ADARB2: variants seen among roughly 807,000 people sequenced by gnomAD.
ADARB2 encodes the protein inactive double-stranded RNA-specific editase B2.
A neutral mutation model predicts 62.2 loss-of-function variants in ADARB2; 25 were observed. The observed-to-expected ratio is 0.40, with a 90% CI of 0.29 to 0.56. The LOEUF is 0.56. Ranked by LOEUF, ADARB2 falls within the 20% of genes least tolerant of loss-of-function variation. ADARB2 has a pLI of 0.43. For missense variants in ADARB2, 1,071 were observed against 1,077.4 expected, an observed-to-expected ratio of 0.99 and a Z score of 0.08; for synonymous variants, 572 against 500.8, an observed-to-expected ratio of 1.14 and a Z score of -1.90.
At chr10:1,227,905 C>G (rs182607084) in intron 6 of ADARB2, among the ~76,000 whole-genome samples, 1 of 152,180 alleles carries the variant, frequency 6.6e-6, no homozygotes, top group Non-Finnish European at 1.5e-5. Flanking sequence ...CATGTGTCCA[C>G]GTGGGTGCAC....
intron 1 of ADARB2, among the ~76,000 whole-genome samples, chr10:1,706,168 TA>T (rs1317602790): frequency 6.6e-6 from 1 of 152,236 alleles, no homozygotes; most frequent in African/African-American, 2.4e-5. Context: ...TTCACTTTGC[TA>T]AAACGCTAGT....
chr10:1,347,458 A>G (rs552609532), intron 3 of ADARB2, among the ~76,000 whole-genome samples: 1 of 152,338 alleles, frequency 6.6e-6, no homozygotes, highest in Admixed American at 6.5e-5. Context: ...CTTGGCACTC[A>G]AGGGCTTAGG....
At chr10:1,546,830 C>T (rs975629082) in intron 1 of ADARB2, among the ~76,000 whole-genome samples, 6 of 152,230 alleles carry the variant, frequency 3.9e-5, no homozygotes, top group Non-Finnish European at 5.9e-5. Context: ...CCTGCAAAGC[C>T]GGATAAGCCC....
At chr10:1,270,615 G>T (rs988557083) in intron 4 of ADARB2, among the ~76,000 whole-genome samples, 2 of 152,088 alleles carry the variant, frequency 1.3e-5, no homozygotes, top group African/African-American at 2.4e-5. Flanking sequence ...GGGAATCTTG[G>T]CAGAAAGGAG....
intron 1 of ADARB2, among the ~76,000 whole-genome samples, chr10:1,614,231 T>TA (rs1366785733): frequency 2.6e-5 from 4 of 152,178 alleles, no homozygotes; most frequent in African/African-American, 4.8e-5. Flanking sequence ...ATACAAAAGT[T>TA]AAAAAAATTG....
chr10:1,389,784 T>A (rs946776757), intron 1 of ADARB2, among the ~76,000 whole-genome samples: 13 of 146,762 alleles, frequency 8.9e-5, no homozygotes, highest in African/African-American at 3.3e-4. Context: ...AATAAATAAA[T>A]AATAAATAAA....
intron 1 of ADARB2, among the ~76,000 whole-genome samples, chr10:1,594,160 G>C (rs896978691): frequency 6.6e-6 from 1 of 152,044 alleles, no homozygotes; most frequent in African/African-American, 2.4e-5. Flanking sequence ...CATGGTGGCG[G>C]GCGCCTGTAA....
chr10:1,613,096 T>C (rs1365751944), intron 1 of ADARB2, among the ~76,000 whole-genome samples: 1 of 152,152 alleles, frequency 6.6e-6, no homozygotes, highest in Admixed American at 6.5e-5. Context: ...GATGGACAGC[T>C]CCCCGGCATC....
At chr10:1,730,036 G>A (rs770504872) in intron 1 of ADARB2, among the ~76,000 whole-genome samples, 12 of 152,224 alleles carry the variant, frequency 7.9e-5, no homozygotes, top group Non-Finnish European at 1.6e-4. Context: ...TTTCCATTAT[G>A]TGCAAATCAC....
At chr10:1,261,568 A>G (rs1025770208) in intron 4 of ADARB2, among the ~76,000 whole-genome samples, 1 of 150,256 alleles carries the variant, frequency 6.7e-6, no homozygotes, top group Non-Finnish European at 1.5e-5. Flanking sequence ...ATCACTGGCC[A>G]TCAGAGAAAT....
At chr10:1,610,396 G>T (rs1360550927) in intron 1 of ADARB2, among the ~76,000 whole-genome samples, 1 of 152,206 alleles carries the variant, frequency 6.6e-6, no homozygotes, top group Admixed American at 6.5e-5. Context: ...CACACTCAGT[G>T]ATGAACATTG....
At chr10:1,333,546 TAC>T (rs1831947714) in intron 3 of ADARB2, among the ~76,000 whole-genome samples, 1 of 152,186 alleles carries the variant, frequency 6.6e-6, no homozygotes, top group South Asian at 2.1e-4. Flanking sequence ...TAATTTTCCT[TAC>T]ACCTCAGCAC....
intron 1 of ADARB2, among the ~76,000 whole-genome samples, chr10:1,652,643 T>C (rs543625911): frequency 6.6e-6 from 1 of 152,350 alleles, no homozygotes; most frequent in Admixed American, 6.5e-5. Context: ...GGGTAGCATA[T>C]TGTTGTTCTT....
intron 4 of ADARB2, 45 bp from the exon 5 acceptor site, chr10:1,242,344 G>A (rs142418127): frequency 3.4e-5 from 51 of 1,502,764 alleles, no homozygotes; most frequent in East Asian, 2.0e-4. Context: ...CACGGCCCCC[G>A]TCTCCCTCCT....
At chr10:1,428,657 A>G (rs1327683616) in intron 1 of ADARB2, among the ~76,000 whole-genome samples, 2 of 142,172 alleles carry the variant, frequency 1.4e-5, no homozygotes, top group Non-Finnish European at 3.1e-5. Flanking sequence ...AGTGGTTGTC[A>G]TGGGTTAGAG....
intron 3 of ADARB2, among the ~76,000 whole-genome samples, chr10:1,360,490 G>T (rs955113082): frequency 1.3e-5 from 2 of 152,234 alleles, no homozygotes; most frequent in Non-Finnish European, 2.9e-5. Flanking sequence ...GAAGGTTGGG[G>T]CAGGGCAAGG....
At chr10:1,466,078 C>A (rs7916070) in intron 1 of ADARB2, among the ~76,000 whole-genome samples, 77 of 152,376 alleles carry the variant, frequency 5.1e-4, no homozygotes, top group African/African-American at 1.8e-3. Flanking sequence ...CAGCTAAACA[C>A]GACCCAGGCA....
At chr10:1,626,660 C>T (rs1833773459) in intron 1 of ADARB2, among the ~76,000 whole-genome samples, 1 of 152,154 alleles carries the variant, frequency 6.6e-6, no homozygotes, top group Non-Finnish European at 1.5e-5. Context: ...CCACACTCGA[C>T]ATGGAAGAAC....
intron 3 of ADARB2, among the ~76,000 whole-genome samples, chr10:1,293,178 G>A (rs1428237224): frequency 2.0e-5 from 1 of 50,730 alleles, no homozygotes; most frequent in Non-Finnish European, 4.3e-5. Context: ...GGGGAGAGGG[G>A]GAGAGAAAGA....
Sources: allele counts gnomAD v4.1 joint callset (sites outside exome capture counted in the v4.1 genomes callset), GRCh38; gene constraint gnomAD v4.1.1; transcripts MANE v1.5; gene names NCBI Gene and HGNC (gene_info 2026-07-23, HGNC 2026-07-21).